FGF14: variants seen among roughly 807,000 people sequenced by gnomAD.
FGF14 encodes fibroblast growth factor homologous factor 4.
A neutral mutation model predicts 25.5 loss-of-function variants in FGF14; 5 were observed. The observed-to-expected ratio is 0.20, with a 90% CI of 0.10 to 0.41. The LOEUF is 0.41. Among genes scored for constraint, FGF14 ranks in the 10% least tolerant of loss-of-function variants. The pLI, the probability that FGF14 is intolerant of heterozygous loss-of-function variation, is 1.00. For synonymous variants in FGF14, 138 were observed against 118.3 expected (o/e 1.17, Z -1.08); for missense variants, 222 against 320.1 (o/e 0.69, Z 2.34).
At chr13:102,015,796 AG>A (rs2040309135) in intron 1 of FGF14, among the ~76,000 whole-genome samples, 2 of 152,162 alleles carry the variant, frequency 1.3e-5, no homozygotes, top group African/African-American at 4.8e-5. Context: ...TTACCTAAAT[AG>A]AAAAAAAATC....
At chr13:101,728,106 T>C (rs968875560) in intron 3 of FGF14, among the ~76,000 whole-genome samples, 1 of 152,180 alleles carries the variant, frequency 6.6e-6, no homozygotes, top group South Asian at 2.1e-4. Context: ...CCTTTCAATA[T>C]TCCCCATAAA....
At chr13:102,016,269 T>C (rs894841972) in intron 1 of FGF14, among the ~76,000 whole-genome samples, 1 of 152,148 alleles carries the variant, frequency 6.6e-6, no homozygotes, top group African/African-American at 2.4e-5. Context: ...CACCACAATA[T>C]ATATGACTAT....
chr13:101,991,561 T>C (rs2038905563), intron 1 of FGF14, among the ~76,000 whole-genome samples: 1 of 152,098 alleles, frequency 6.6e-6, no homozygotes, highest in Admixed American at 6.6e-5. Context: ...AAAGGCTGGA[T>C]AAGCTAAAAA....
intron 3 of FGF14, among the ~76,000 whole-genome samples, chr13:101,847,923 A>G (rs1165034094): frequency 2.6e-5 from 4 of 152,044 alleles, no homozygotes; most frequent in African/African-American, 4.8e-5. Context: ...TTATGATTAA[A>G]ATGTAGTCTA....
At position 101,713,551 on chromosome 13, in the gene FGF14, T is replaced by C. The variant is rs1372194049; in HGVS notation, c.*9280A>G. ...GTCCTTTTTATTTGTTTCTTTTTCATTGTAAAGTCTTTCCTGCTGTCGTTG... is the reference window on the plus strand; with the variant it reads ...GTCCTTTTTATTTGTTTCTTTTTCACTGTAAAGTCTTTCCTGCTGTCGTTG... On this transcript the variant is annotated 3_prime_UTR_variant, in exon 5 of 5. Coordinates refer to ENST00000376143, the MANE Select transcript of FGF14 (RefSeq NM_004115.4). 1 of 152,204 alleles carries C rather than the reference T, an allele frequency of 6.6e-6. No individual in the cohort carries two copies. The highest frequency in any genetic ancestry group is 1.5e-5 in the Non-Finnish European group (1 of 68,026). 9.4% of individuals were successfully genotyped at this position (152,204 alleles called of 1,614,324 possible). A position where few individuals can be genotyped will look rare whatever the true frequency, so the allele number is the denominator to read the frequency against.
At chr13:102,017,999 T>C (rs1343131195) in intron 1 of FGF14, among the ~76,000 whole-genome samples, 1 of 152,140 alleles carries the variant, frequency 6.6e-6, no homozygotes, top group Non-Finnish European at 1.5e-5. Context: ...TTAATCACAC[T>C]ACCTCTCAAG....
At chr13:101,760,437 T>C (rs1339740798) in intron 3 of FGF14, among the ~76,000 whole-genome samples, 1 of 152,184 alleles carries the variant, frequency 6.6e-6, no homozygotes, top group African/African-American at 2.4e-5. Context: ...TCACAAAGAC[T>C]GTCGCAGGGA....
At chr13:101,730,910 C>T (rs2035766927) in intron 3 of FGF14, among the ~76,000 whole-genome samples, 1 of 152,078 alleles carries the variant, frequency 6.6e-6, no homozygotes, top group Non-Finnish European at 1.5e-5. Context: ...AGCAGCCGTC[C>T]CTCACATGGT....
chr13:102,228,289 T>A (rs1484309145), intron 1 of FGF14, among the ~76,000 whole-genome samples: 4 of 152,162 alleles, frequency 2.6e-5, no homozygotes, highest in Non-Finnish European at 5.9e-5. Flanking sequence ...AAAATTAAGA[T>A]ACATTCCTAT....
At chr13:101,912,219 T>C (rs1225590085) in intron 1 of FGF14, among the ~76,000 whole-genome samples, 2 of 152,150 alleles carry the variant, frequency 1.3e-5, no homozygotes, top group African/African-American at 4.8e-5. Context: ...ACATTTTAAG[T>C]ACCTCACTTT....
chr13:102,340,559 A>T (rs1389535003), intron 1 of FGF14, among the ~76,000 whole-genome samples: 6 of 152,160 alleles, frequency 3.9e-5, no homozygotes, highest in Admixed American at 3.9e-4. Context: ...ATCTTTTACC[A>T]TCAGAGATTA....
At chr13:101,723,625 T>C (rs1042141817) in intron 4 of FGF14, among the ~76,000 whole-genome samples, 6 of 151,960 alleles carry the variant, frequency 3.9e-5, no homozygotes, top group African/African-American at 1.4e-4. Context: ...TTTTCTGCTA[T>C]GTTATTAAAA....
At chr13:102,307,147 T>C (rs2055432009) in intron 1 of FGF14, among the ~76,000 whole-genome samples, 1 of 152,116 alleles carries the variant, frequency 6.6e-6, no homozygotes, top group Non-Finnish European at 1.5e-5. Context: ...GAGAGGCTTC[T>C]AGAACATAAG....
At chr13:101,921,986 C>T (rs1479969767) in intron 1 of FGF14, among the ~76,000 whole-genome samples, 3 of 152,172 alleles carry the variant, frequency 2.0e-5, no homozygotes, top group African/African-American at 4.8e-5. Context: ...TTTATTTGGG[C>T]TGTCTTCCCC....
In FGF14 at chr13:101,916,727, A is replaced by T; in HGVS notation, c.-82T>A. The T allele has an allele frequency of 7.8e-7, 1 of 1,275,324 alleles. No individual in the cohort carries two copies. Among genetic ancestry groups the T allele is most frequent in the Non-Finnish European group, 1.0e-6 (1 of 952,766 alleles). 79.0% of individuals were successfully genotyped at this position (1,275,324 alleles called of 1,614,324 possible). A position where few individuals can be genotyped will look rare whatever the true frequency, so the allele number is the denominator to read the frequency against. ...GCACCGGAGGGGAAGGCGGCGGCGCAGACCGTGGCTCGCCCTCGGGGCAGA... is the reference window on the plus strand; with the variant it reads ...GCACCGGAGGGGAAGGCGGCGGCGCTGACCGTGGCTCGCCCTCGGGGCAGA... On this transcript the variant is annotated 5_prime_UTR_variant, in exon 1 of 5. Coordinates refer to ENST00000376143, the MANE Select transcript of FGF14 (RefSeq NM_004115.4).
chr13:101,902,190 T>C (rs1673264075), intron 1 of FGF14, among the ~76,000 whole-genome samples: 1 of 152,098 alleles, frequency 6.6e-6, no homozygotes, highest in Admixed American at 6.6e-5. Context: ...TATACAAGAG[T>C]AGGCAAGGTC....
At chr13:102,197,126 A>G (rs919668310) in intron 1 of FGF14, among the ~76,000 whole-genome samples, 6 of 152,120 alleles carry the variant, frequency 3.9e-5, no homozygotes, top group Admixed American at 6.6e-5. Flanking sequence ...ACAGGTATTC[A>G]TTTACATTTG....
At chr13:102,294,603 T>G (rs1207484079) in intron 1 of FGF14, among the ~76,000 whole-genome samples, 1 of 152,222 alleles carries the variant, frequency 6.6e-6, no homozygotes, top group Non-Finnish European at 1.5e-5. Context: ...CTGTCACTTG[T>G]GTTTGAATAT....
intron 1 of FGF14, among the ~76,000 whole-genome samples, chr13:102,205,009 G>A (rs2049842948): frequency 6.6e-6 from 1 of 152,192 alleles, no homozygotes; most frequent in African/African-American, 2.4e-5. Context: ...GGGGAAAACT[G>A]GCAATCAGAG....
Sources: gnomAD v4.1 joint callset for allele counts (sites outside exome capture counted in the v4.1 genomes callset) on GRCh38, gnomAD v4.1.1 for gene constraint, MANE v1.5 for transcripts, NCBI Gene and HGNC (gene_info 2026-07-23, HGNC 2026-07-21) for gene names.